Variants in RBM19 observed in about 807,000 individuals in gnomAD.
RBM19 encodes the protein RNA binding motif protein 19, also known as probable RNA-binding protein 19.
In RBM19, 94 loss-of-function variants were observed where a neutral mutation model predicts 116.8. The observed-to-expected ratio is 0.80, with a 90% CI of 0.68 to 0.95. The LOEUF is 0.95. Ranked by LOEUF, RBM19 falls within the 40% of genes least tolerant of loss-of-function variation. RBM19 has a pLI of 0.00. For synonymous variants in RBM19, 475 were observed against 494.1 expected, an observed-to-expected ratio of 0.96 and a Z score of 0.51; for missense variants, 1,161 against 1,220.7, an observed-to-expected ratio of 0.95 and a Z score of 0.73.
chr12:113,886,255 C>T (rs1880509229), intron 21 of RBM19, among the ~76,000 whole-genome samples: 1 of 152,152 alleles, frequency 6.6e-6, no homozygotes, highest in African/African-American at 2.4e-5. Flanking sequence ...ACCTCAGCCT[C>T]CAGAGTAGTT....
At chr12:113,927,299 A>G (rs1869174575) in intron 16 of RBM19, 70 bp from the exon 17 acceptor site, 6 of 1,493,652 alleles carry the variant, frequency 4.0e-6, no homozygotes, top group Non-Finnish European at 5.3e-6. Context: ...AACCCACCAG[A>G]GCCCTGGGGC....
chr12:113,928,575 A>G (rs1439073192), intron 16 of RBM19, among the ~76,000 whole-genome samples: 1 of 150,954 alleles, frequency 6.6e-6, no homozygotes, highest in Non-Finnish European at 1.5e-5. Flanking sequence ...CTGAAGGAAC[A>G]GCATTTTAGG....
intron 15 of RBM19, 81 bp downstream of exon 15, chr12:113,939,879 C>A: frequency 6.9e-7 from 1 of 1,458,134 alleles, no homozygotes; most frequent in Non-Finnish European, 9.4e-7. Context: ...TCTGTGAATC[C>A]ATAGCCCACT....
rs186132400 is a variant in RBM19 at position 113,897,310 on chromosome 12, C to T, written c.2558+17659G>A. 2.5e-3 allele frequency among the ~76,000 whole-genome samples: 380 copies of T among 152,312 alleles called. 3 individuals are homozygous for T. The highest frequency in any genetic ancestry group is 0.01 in the Middle Eastern group (3 of 294). On this transcript the variant is annotated intron_variant, in intron 21 of 23. Transcript: ENST00000261741. ...CAGCCTCCCAAGCTGGGATTACAGG[C>T]GCCCACCACCATACCCAGCTAAGTT...
Position 113,959,328 on chromosome 12 carries a change from T to C in RBM19, c.455A>G (p.Asp152Gly). The change falls in exon 5 of 24, where the codon GAT (aspartate) becomes GGT (glycine). Residue 152 changes from aspartate to glycine, a missense_variant. Asp to Gly is a moderately conservative substitution (Grantham distance 94). Transcript: ENST00000261741. Reference protein sequence around the residue: ...RRAQAATWANDGLDAEPSKGK... With the variant: ...RRAQAATWANGGLDAEPSKGK... ...TTTCGAGGGCTCAGCATCCAGGCCA[T>C]CATTCGCCCAAGTGGCTGCCTGCGC... 1 of 1,613,912 alleles carries C rather than the reference T, an allele frequency of 6.2e-7. No individual in the cohort carries two copies. The highest frequency in any genetic ancestry group is 8.5e-7 in the Non-Finnish European group (1 of 1,179,820).
At chr12:113,961,539 T>A (rs1872499291) in intron 2 of RBM19, among the ~76,000 whole-genome samples, 1 of 152,218 alleles carries the variant, frequency 6.6e-6, no homozygotes, top group Non-Finnish European at 1.5e-5. Context: ...TATGTATGGA[T>A]AGAGGAATAC....
intron 11 of RBM19, 49 bp downstream of exon 11, chr12:113,947,285 G>C: frequency 1.3e-6 from 2 of 1,531,772 alleles, no homozygotes; most frequent in East Asian, 2.3e-5. Flanking sequence ...AGCCTTTCCC[G>C]ACCATGTGAG....
intron 6 of RBM19, 54 bp downstream of exon 6, chr12:113,957,728 G>A (rs1872076513): frequency 2.6e-6 from 4 of 1,519,584 alleles, no homozygotes; most frequent in Admixed American, 2.2e-5. Flanking sequence ...TGGGGACCAC[G>A]GGCAAGCAGG....
Position 113,940,017 on chromosome 12 carries a change from C to T in RBM19, c.1881G>A (p.Val627=). The T allele has an allele frequency of 6.2e-7, 1 of 1,614,126 alleles. No homozygotes were observed. The highest frequency in any genetic ancestry group is 8.5e-7 in the Non-Finnish European group (1 of 1,180,020). Residue 627 remains valine, a synonymous_variant, in exon 15 of 24, where the codon GTG becomes GTA. Coordinates refer to ENST00000261741, the MANE Select transcript of RBM19 (RefSeq NM_016196.4). ...GGGCCTCCAGGGGCTCCAGGAACTC[C>T]ACGATGGCAGTGATTCCGCCCTCTG... ...LLPEGGITAI[V]EFLEPLEARK... is the part of the protein sequence containing the mutation.
At chr12:113,939,910 G>C in intron 15 of RBM19, 50 bp downstream of exon 15, 1 of 1,587,842 alleles carries the variant, frequency 6.3e-7, no homozygotes, top group Non-Finnish European at 8.6e-7. Flanking sequence ...CCTTGAAGCA[G>C]CCCTCACTGG....
rs200433187 is a variant in RBM19 at position 113,948,815 on chromosome 12, C to T, written c.1276+18G>A. 3.0e-5 allele frequency: 48 copies of T among 1,613,568 alleles called. No homozygotes were observed. The Admixed American group carries it at 5.3e-4, about 18-fold the overall frequency. ...CATAGCCGCTGGGCTATCCACGGCC[C>T]GGAGGCCACACCCCTACCATATTTG... On this transcript the variant is annotated intron_variant, in intron 10 of 23. Coordinates refer to ENST00000261741, the MANE Select transcript of RBM19 (RefSeq NM_016196.4).
intron 10 of RBM19, 107 bp from the exon 11 acceptor site, chr12:113,947,571 A>C (rs1366514720): frequency 8.0e-7 from 1 of 1,247,756 alleles, no homozygotes; most frequent in Non-Finnish European, 1.1e-6. Context: ...CATGGGTGTC[A>C]TTTCCCAGTC....
intron 2 of RBM19, among the ~76,000 whole-genome samples, chr12:113,961,183 C>T (rs945715032): frequency 1.3e-5 from 2 of 152,134 alleles, no homozygotes; most frequent in African/African-American, 4.8e-5. Context: ...TCACCATGCC[C>T]GGCTAATTTT....
At chr12:113,886,790 G>A (rs528565131) in intron 21 of RBM19, among the ~76,000 whole-genome samples, 1 of 152,190 alleles carries the variant, frequency 6.6e-6, no homozygotes, top group Non-Finnish European at 1.5e-5. Flanking sequence ...ACCTCCAAGA[G>A]AATCCATTAG....
At chr12:113,904,337 C>T (rs1027294547) in intron 21 of RBM19, among the ~76,000 whole-genome samples, 1 of 152,214 alleles carries the variant, frequency 6.6e-6, no homozygotes, top group African/African-American at 2.4e-5. Context: ...AAAAAAAACT[C>T]TTTCCCTTGA....
At chr12:113,924,014 C>T (rs542073737) in intron 18 of RBM19, among the ~76,000 whole-genome samples, 3 of 152,320 alleles carry the variant, frequency 2.0e-5, no homozygotes, top group African/African-American at 7.2e-5. Context: ...AGCATTCCTA[C>T]AAATCCTGCC....
At chr12:113,835,989 C>G (rs1373557710) in intron 23 of RBM19, among the ~76,000 whole-genome samples, 5 of 152,238 alleles carry the variant, frequency 3.3e-5, no homozygotes, top group African/African-American at 1.2e-4. Flanking sequence ...GCTGCGCTCG[C>G]AGGTACTGTG....
chr12:113,855,986 G>C (rs189214367), intron 22 of RBM19, among the ~76,000 whole-genome samples: 1 of 152,352 alleles, frequency 6.6e-6, no homozygotes, highest in East Asian at 1.9e-4. Context: ...AGGGATCCTT[G>C]CAGGAAAGAT....
chr12:113,863,073 GGGA>G (rs947160842), intron 21 of RBM19, among the ~76,000 whole-genome samples: 4 of 152,024 alleles, frequency 2.6e-5, no homozygotes, highest in Non-Finnish European at 5.9e-5. Context: ...GGGGAGAGAA[GGGA>G]GGAGGGGGGA....
Sources: allele counts gnomAD v4.1 joint callset (sites outside exome capture counted in the v4.1 genomes callset), GRCh38; gene constraint gnomAD v4.1.1; transcripts MANE v1.5; gene names NCBI Gene and HGNC (gene_info 2026-07-23, HGNC 2026-07-21).